The following TASP1 variants were observed in gnomAD, a reference collection of about 807,000 sequenced individuals.
TASP1 encodes the protein threonine aspartase 1.
Under a neutral mutation model 56.6 loss-of-function variants are expected in TASP1, and 16 were observed. The ratio of observed to expected loss-of-function variants is 0.28; its 90% CI spans 0.19 to 0.43. The LOEUF is 0.43. Ranked by LOEUF, TASP1 falls within the 20% of genes least tolerant of loss-of-function variation. The pLI is 1.00. For missense variants in TASP1, 393 were observed against 511.6 expected (o/e 0.77, Z 2.24); for synonymous variants, 179 against 184.2 (o/e 0.97, Z 0.23).
At chr20:13,603,639 G>T (rs1276785030) in intron 4 of TASP1, among the ~76,000 whole-genome samples, 1 of 152,184 alleles carries the variant, frequency 6.6e-6, no homozygotes, top group African/African-American at 2.4e-5. Flanking sequence ...CTTCTATCCA[G>T]AATTTATTTT....
chr20:13,626,721 G>C (rs1044197805), intron 2 of TASP1, among the ~76,000 whole-genome samples: 1 of 152,118 alleles, frequency 6.6e-6, no homozygotes, highest in Non-Finnish European at 1.5e-5. Context: ...TCTCTTCATG[G>C]TTCTCTAAGA....
the TASP1 span, among the ~76,000 whole-genome samples, chr20:13,341,487 G>C: frequency 6.6e-6 from 1 of 152,056 alleles, no homozygotes; most frequent in Non-Finnish European, 1.5e-5. Context: ...GGGTAACGTA[G>C]TCACAATATT....
intron 8 of TASP1, among the ~76,000 whole-genome samples, chr20:13,553,335 G>C (rs994826861): frequency 1.3e-5 from 2 of 152,124 alleles, no homozygotes; most frequent in Non-Finnish European, 2.9e-5. Context: ...GTTTCAGCTT[G>C]CATGGTCACT....
chr20:13,447,033 A>G (rs535074428), intron 11 of TASP1, among the ~76,000 whole-genome samples: 12 of 152,188 alleles, frequency 7.9e-5, no homozygotes, highest in Non-Finnish European at 1.8e-4. Flanking sequence ...GTGTATGAAT[A>G]TATCTATAGG....
chr20:13,618,275 T>C (rs2048592030), intron 4 of TASP1, among the ~76,000 whole-genome samples: 1 of 151,826 alleles, frequency 6.6e-6, no homozygotes, highest in Admixed American at 6.6e-5. Flanking sequence ...TAGCCAGGTG[T>C]GGTGGCGCAC....
chr20:13,375,012 T>G, the TASP1 span, among the ~76,000 whole-genome samples: 7 of 152,240 alleles, frequency 4.6e-5, no homozygotes, highest in Admixed American at 4.6e-4. Flanking sequence ...TTTTGGAAAA[T>G]GCCCTCTGAT....
At chr20:13,277,282 T>G in the TASP1 span, among the ~76,000 whole-genome samples, 1 of 152,194 alleles carries the variant, frequency 6.6e-6, no homozygotes, top group Admixed American at 6.5e-5. Flanking sequence ...CCAAAAGTGT[T>G]GGGCACATTC....
intron 10 of TASP1, among the ~76,000 whole-genome samples, chr20:13,521,337 T>C (rs367896675): frequency 7.9e-5 from 12 of 152,226 alleles, no homozygotes; most frequent in Non-Finnish European, 1.6e-4. Flanking sequence ...ATGTTTACTG[T>C]GGCACTATTC....
At chr20:13,191,975 A>G in the TASP1 span, among the ~76,000 whole-genome samples, 1 of 152,206 alleles carries the variant, frequency 6.6e-6, no homozygotes, top group Non-Finnish European at 1.5e-5. Context: ...AATTGTGAGA[A>G]ATAAGTTTCT....
At chr20:13,233,456 G>A in the TASP1 span, among the ~76,000 whole-genome samples, 17 of 152,130 alleles carry the variant, frequency 1.1e-4, no homozygotes, top group Admixed American at 3.9e-4. Flanking sequence ...TTAGCCGGGC[G>A]TGGTGGTGCA....
chr20:13,596,854 A>G (rs1416499494), intron 4 of TASP1, among the ~76,000 whole-genome samples: 1 of 152,196 alleles, frequency 6.6e-6, no homozygotes, highest in Non-Finnish European at 1.5e-5. Context: ...AGAAGATATG[A>G]CCACCAATCC....
intron 12 of TASP1, among the ~76,000 whole-genome samples, chr20:13,429,347 G>T (rs896783821): frequency 1.3e-5 from 2 of 152,140 alleles, no homozygotes; most frequent in African/African-American, 2.4e-5. Context: ...AAGTTATTGC[G>T]GGAAAAAAAT....
chr20:13,238,188 A>G, the TASP1 span: 1 of 152,204 alleles, frequency 6.6e-6, no homozygotes, highest in Admixed American at 6.5e-5. Flanking sequence ...CTGTGGTTAC[A>G]TTGCCCAAAC....
the TASP1 span, among the ~76,000 whole-genome samples, chr20:13,178,161 C>T: frequency 6.6e-6 from 1 of 152,034 alleles, no homozygotes; most frequent in South Asian, 2.1e-4. Flanking sequence ...AAATGCTCAG[C>T]ATCACTTATC....
At chr20:13,345,281 G>A in the TASP1 span, among the ~76,000 whole-genome samples, 7 of 152,326 alleles carry the variant, frequency 4.6e-5, no homozygotes, top group Middle Eastern at 3.4e-3. Flanking sequence ...TCATCAGAAC[G>A]TGGGGAATTT....
the TASP1 span, among the ~76,000 whole-genome samples, chr20:13,207,851 T>G: frequency 6.6e-6 from 1 of 151,984 alleles, no homozygotes; most frequent in South Asian, 2.1e-4. Flanking sequence ...ATAAAATCAA[T>G]CATCACATAT....
the TASP1 span, among the ~76,000 whole-genome samples, chr20:13,324,860 A>T: frequency 1.3e-5 from 2 of 152,188 alleles, no homozygotes; most frequent in African/African-American, 4.8e-5. Flanking sequence ...TATTTTCTGG[A>T]TGAGAAAATT....
chr20:13,498,959 A>G (rs1395768423), intron 10 of TASP1, among the ~76,000 whole-genome samples: 1 of 152,160 alleles, frequency 6.6e-6, no homozygotes, highest in Non-Finnish European at 1.5e-5. Context: ...CAATCCCATT[A>G]CCAAGTATAT....
chr20:13,480,471 G>A (rs1297560003), intron 11 of TASP1, among the ~76,000 whole-genome samples: 2 of 152,144 alleles, frequency 1.3e-5, no homozygotes, highest in African/African-American at 4.8e-5. Flanking sequence ...AAAGGAACAG[G>A]GTCCATTAGG....
Sources: gnomAD v4.1 joint callset for allele counts (sites outside exome capture counted in the v4.1 genomes callset) on GRCh38, gnomAD v4.1.1 for gene constraint, MANE v1.5 for transcripts, NCBI Gene and HGNC (gene_info 2026-07-23, HGNC 2026-07-21) for gene names.